MBNL2: variants seen among roughly 807,000 people sequenced by gnomAD.
MBNL2 encodes muscleblind-like protein 2.
MBNL2 carries 17 observed loss-of-function variants against 41.9 expected under a neutral mutation model. The observed-to-expected ratio is 0.41, with a 90% CI of 0.28 to 0.61. MBNL2 has a LOEUF of 0.61. Ranked by LOEUF, MBNL2 falls within the 20% of genes least tolerant of loss-of-function variation. The probability of loss-of-function intolerance (pLI) is 0.35; values close to 1 mark genes in which losing one functional copy is unlikely to be tolerated. For synonymous variants in MBNL2, 195 were observed against 182.9 expected (o/e 1.07, Z -0.53); for missense variants, 336 against 505.6 (o/e 0.66, Z 3.22).
At chr13:97,327,436 G>A (rs112705659) in intron 2 of MBNL2, among the ~76,000 whole-genome samples, 3 of 151,544 alleles carry the variant, frequency 2.0e-5, no homozygotes, top group African/African-American at 7.3e-5. Flanking sequence ...AACAATTTAC[G>A]TTTCTTCCTG....
chr13:97,265,057 T>A (rs2049458405), intron 1 of MBNL2, among the ~76,000 whole-genome samples: 1 of 152,222 alleles, frequency 6.6e-6, no homozygotes, highest in Admixed American at 6.5e-5. Context: ...AAAACATAAT[T>A]TGAATACAAA....
the MBNL2 span, among the ~76,000 whole-genome samples, chr13:97,205,431 A>G: frequency 6.6e-6 from 1 of 152,028 alleles, no homozygotes; most frequent in Admixed American, 6.6e-5. Flanking sequence ...AGTGGTTTCT[A>G]CAGAGTAAAG....
chr13:97,366,873 T>C lies in MBNL2; in HGVS notation c.1048+1702T>C, dbSNP rs1300022462. ...TTTGTGAATGGCCACATAAAAATTG[T>C]AGACGCGCACCCATGGGTGCTTCAA... On this transcript the variant is annotated intron_variant, in intron 8 of 8. Coordinates refer to ENST00000679496, the MANE Select transcript of MBNL2 (RefSeq NM_001382683.1). This position sits in a 1 kb window ranked among gnomAD's most constrained non-coding sequence, Gnocchi z 4.7. Among the ~76,000 whole-genome samples the C allele has an allele frequency of 1.3e-5, 2 of 152,176 alleles. No individual in the cohort carries two copies. The highest frequency in any genetic ancestry group is 2.9e-5 in the Non-Finnish European group (2 of 68,026).
At chr13:97,245,104 A>G (rs1033760508) in intron 1 of MBNL2, among the ~76,000 whole-genome samples, 3 of 152,212 alleles carry the variant, frequency 2.0e-5, no homozygotes, top group South Asian at 4.1e-4. Flanking sequence ...TAGGGTAAAT[A>G]TTCCCATTAG....
chr13:97,288,184 C>T (rs950219876), intron 2 of MBNL2, among the ~76,000 whole-genome samples: 5 of 152,066 alleles, frequency 3.3e-5, no homozygotes, highest in African/African-American at 1.2e-4. Context: ...CTGTCAGTTT[C>T]TCTCTCTTTT....
At chr13:97,192,573 C>T in the MBNL2 span, among the ~76,000 whole-genome samples, 2 of 152,218 alleles carry the variant, frequency 1.3e-5, no homozygotes, top group East Asian at 1.9e-4. Flanking sequence ...TGAACAGCCT[C>T]GTGGGTGCCC....
chr13:97,224,063 A>G (rs2041214564), intron 1 of MBNL2, among the ~76,000 whole-genome samples: 1 of 152,214 alleles, frequency 6.6e-6, no homozygotes, highest in Non-Finnish European at 1.5e-5. Flanking sequence ...TGTACCTGCC[A>G]CATGTCGGGC....
At chr13:97,344,812 CT>C (rs1366586315) in intron 4 of MBNL2, among the ~76,000 whole-genome samples, 2 of 152,152 alleles carry the variant, frequency 1.3e-5, no homozygotes, top group Non-Finnish European at 2.9e-5. Context: ...ACAAATTGTC[CT>C]TCTCAACAGG....
At chr13:97,182,644 A>G in the MBNL2 span, among the ~76,000 whole-genome samples, 1 of 152,196 alleles carries the variant, frequency 6.6e-6, no homozygotes, top group Non-Finnish European at 1.5e-5. Context: ...AGGTTAACGC[A>G]CTTTTGACGT....
intron 5 of MBNL2, among the ~76,000 whole-genome samples, chr13:97,356,456 T>G (rs2062993498): frequency 6.6e-6 from 1 of 152,178 alleles, no homozygotes; most frequent in Non-Finnish European, 1.5e-5. Flanking sequence ...AAAATGCTTA[T>G]GGTGTGTATG....
intron 1 of MBNL2, among the ~76,000 whole-genome samples, chr13:97,263,191 G>A (rs2048988227): frequency 6.6e-6 from 1 of 152,116 alleles, no homozygotes; most frequent in Non-Finnish European, 1.5e-5. Context: ...CCTCCGTTTT[G>A]TTCTCACCAC....
intron 2 of MBNL2, among the ~76,000 whole-genome samples, chr13:97,320,960 G>A (rs754772360): frequency 3.3e-5 from 5 of 151,966 alleles, no homozygotes; most frequent in East Asian, 1.9e-4. Context: ...CTTTCACATC[G>A]TCTTCCCTCT....
intron 2 of MBNL2, among the ~76,000 whole-genome samples, chr13:97,301,411 A>C (rs1032568572): frequency 3.3e-5 from 5 of 152,216 alleles, no homozygotes; most frequent in African/African-American, 1.2e-4. Flanking sequence ...TTCTAGATAG[A>C]TCTAGATCTG....
At chr13:97,382,727 T>G (rs2065584701) in intron 8 of MBNL2, among the ~76,000 whole-genome samples, 1 of 147,698 alleles carries the variant, frequency 6.8e-6, no homozygotes, top group Non-Finnish European at 1.5e-5. Flanking sequence ...GAGGCTGGAG[T>G]GCAGTGGCGC....
intron 8 of MBNL2, among the ~76,000 whole-genome samples, chr13:97,382,454 G>A (rs571347211): frequency 2.0e-5 from 3 of 152,188 alleles, no homozygotes; most frequent in Non-Finnish European, 2.9e-5. Flanking sequence ...TCCACCTGCT[G>A]GAGCTGTGGA....
At chr13:97,380,081 C>T (rs2065294890) in intron 8 of MBNL2, among the ~76,000 whole-genome samples, 1 of 152,150 alleles carries the variant, frequency 6.6e-6, no homozygotes, top group Non-Finnish European at 1.5e-5. Flanking sequence ...TGCCACATTT[C>T]CCTTTAAGAA....
At chr13:97,248,193 T>C (rs897927169) in intron 1 of MBNL2, among the ~76,000 whole-genome samples, 4 of 152,192 alleles carry the variant, frequency 2.6e-5, no homozygotes, top group African/African-American at 9.6e-5. Flanking sequence ...GGTGCAGTGG[T>C]GCGATCTCGC....
chr13:97,369,686 C>T (rs1398255987), intron 8 of MBNL2, among the ~76,000 whole-genome samples: 1 of 152,162 alleles, frequency 6.6e-6, no homozygotes, highest in Non-Finnish European at 1.5e-5. Flanking sequence ...GTGCTATTTA[C>T]ACATTACCCC....
chr13:97,218,018 A>G (rs1340526500), upstream of MBNL2, among the ~76,000 whole-genome samples: 1 of 152,206 alleles, frequency 6.6e-6, no homozygotes, highest in Non-Finnish European at 1.5e-5. Context: ...AACGTAAGAG[A>G]AATGATGCTT....
Sources: gnomAD v4.1 joint callset for allele counts (sites outside exome capture counted in the v4.1 genomes callset) on GRCh38, gnomAD v4.1.1 for gene constraint, Gnocchi (gnomAD v3.1) non-coding constraint, MANE v1.5 for transcripts, NCBI Gene and HGNC (gene_info 2026-07-23, HGNC 2026-07-21) for gene names.